The following ZC3H12B variants were observed in gnomAD, a reference collection of about 807,000 sequenced individuals.
The protein encoded by ZC3H12B is probable ribonuclease ZC3H12B.
A neutral mutation model predicts 43.9 loss-of-function variants in ZC3H12B; 7 were observed. That is an observed-to-expected ratio of 0.16 (90% CI 0.09 to 0.30). The LOEUF is 0.30. Among genes scored for constraint, ZC3H12B ranks in the 10% least tolerant of loss-of-function variants. The probability of loss-of-function intolerance (pLI) is 1.00; values close to 1 mark genes in which losing one functional copy is unlikely to be tolerated. For missense variants in ZC3H12B, 475 were observed against 670.2 expected (o/e 0.71, Z 3.22); for synonymous variants, 222 against 241.7 (o/e 0.92, Z 0.76).
chrX:65,049,236 A>ATCAT, the ZC3H12B span, among the ~76,000 whole-genome samples: 1 of 111,318 alleles, frequency 9.0e-6, no homozygotes, highest in East Asian at 2.8e-4. Context: ...TATCCAAAAA[A>ATCAT]TCATTCCCAA....
intron 1 of ZC3H12B, 41 bp from the exon 7 acceptor site, chrX:65,497,091 T>C (rs777626451): frequency 8.6e-7 from 1 of 1,156,977 alleles, no homozygotes; most frequent in Non-Finnish European, 1.2e-6. Context: ...CTTTGCTATC[T>C]ATTATCAATC....
At chrX:65,065,007 C>G in the ZC3H12B span, among the ~76,000 whole-genome samples, 1 of 110,505 alleles carries the variant, frequency 9.0e-6, no homozygotes, top group Non-Finnish European at 1.9e-5. Flanking sequence ...AATATTTCTC[C>G]ATCCCTTTAT....
At chrX:65,424,889 T>G (rs2067062014) in intron 3 of ZC3H12B, among the ~76,000 whole-genome samples, 1 of 111,772 alleles carries the variant, frequency 8.9e-6, no homozygotes. Context: ...AGTTTGAAGT[T>G]GGGTAGTGTG....
At chrX:65,113,069 C>T in the ZC3H12B span, among the ~76,000 whole-genome samples, 1 of 111,186 alleles carries the variant, frequency 9.0e-6, no homozygotes, top group Non-Finnish European at 1.9e-5. Flanking sequence ...ATGTTGATTC[C>T]AACCCTTATG....
chrX:65,394,393 C>T (rs1473400987), intron 2 of ZC3H12B, among the ~76,000 whole-genome samples: 2 of 112,294 alleles, frequency 1.8e-5, no homozygotes, highest in African/African-American at 6.5e-5. Flanking sequence ...GTGTAAGGAA[C>T]GGCTCCAGTT....
intron 3 of ZC3H12B, among the ~76,000 whole-genome samples, chrX:65,434,918 C>A (rs1291456011): frequency 9.0e-6 from 1 of 110,909 alleles, no homozygotes; most frequent in African/African-American, 3.3e-5. Flanking sequence ...GTGGAGAAGG[C>A]ACTTTCTCTG....
At chrX:65,318,970 G>C in the ZC3H12B span, among the ~76,000 whole-genome samples, 1 of 111,225 alleles carries the variant, frequency 9.0e-6, no homozygotes, top group Non-Finnish European at 1.9e-5. Flanking sequence ...GCATCGAAAA[G>C]TTAAAAATAT....
rs182685267 is a variant in ZC3H12B at position 65,435,203 on chromosome X, C to T, written n.407+36499C>T. ...GGAGATAAGATTATCCTTCAGGGCACACCTAGAAGCTGTTAGATTATTTAT... is the reference window on the plus strand; with the variant it reads ...GGAGATAAGATTATCCTTCAGGGCATACCTAGAAGCTGTTAGATTATTTAT... On this transcript the variant is annotated intron_variant and non_coding_transcript_variant, in intron 3 of 5. Transcript: ENST00000617377. Among the ~76,000 whole-genome samples the T allele has an allele frequency of 5.6e-3, 626 of 111,900 alleles. 18 individuals carry two copies. Among genetic ancestry groups the T allele is most frequent in the Admixed American group, 0.051 (540 of 10,508 alleles).
the ZC3H12B span, among the ~76,000 whole-genome samples, chrX:65,164,948 T>TAC: frequency 7.1e-5 from 8 of 112,017 alleles, no homozygotes; most frequent in African/African-American, 2.6e-4. Flanking sequence ...AAATCAATCA[T>TAC]ACTATTTTTC....
chrX:65,235,433 C>A, the ZC3H12B span, among the ~76,000 whole-genome samples: 3 of 112,001 alleles, frequency 2.7e-5, no homozygotes, highest in African/African-American at 9.7e-5. Context: ...CTTTGCACTT[C>A]TCTAATGATC....
At chrX:65,186,796 A>G in the ZC3H12B span, among the ~76,000 whole-genome samples, 3 of 111,648 alleles carry the variant, frequency 2.7e-5, no homozygotes, top group South Asian at 1.1e-3. Context: ...TTGGTTTTTC[A>G]TTCCTGAGTT....
chrX:65,240,408 A>G, the ZC3H12B span, among the ~76,000 whole-genome samples: 10 of 111,814 alleles, frequency 8.9e-5, no homozygotes, highest in Non-Finnish European at 1.9e-4. Context: ...ATATGTTTTA[A>G]GGCTCCATCA....
the ZC3H12B span, among the ~76,000 whole-genome samples, chrX:65,107,031 G>C: frequency 9.0e-6 from 1 of 111,336 alleles, no homozygotes; most frequent in African/African-American, 3.3e-5. Flanking sequence ...AATGTAGGTT[G>C]AGATTGGAGA....
At chrX:65,314,673 G>C in the ZC3H12B span, among the ~76,000 whole-genome samples, 1 of 111,512 alleles carries the variant, frequency 9.0e-6, no homozygotes, top group African/African-American at 3.2e-5. Context: ...TTAGGTTGAA[G>C]GGAAATGATA....
chrX:65,370,472 C>T (rs771905082), intron 2 of ZC3H12B, among the ~76,000 whole-genome samples: 217 of 111,563 alleles, frequency 1.9e-3, no homozygotes, highest in African/African-American at 6.6e-3. Flanking sequence ...ACTTTGTAGG[C>T]AATAACATTC....
At chrX:65,467,904 G>T (rs2067847369) in intron 3 of ZC3H12B, among the ~76,000 whole-genome samples, 1 of 111,908 alleles carries the variant, frequency 8.9e-6, no homozygotes, top group South Asian at 3.6e-4. Flanking sequence ...CCATTCTATG[G>T]GTTGTCTGCT....
At chrX:65,360,672 G>A in the ZC3H12B span, among the ~76,000 whole-genome samples, 1 of 112,316 alleles carries the variant, frequency 8.9e-6, no homozygotes, top group African/African-American at 3.2e-5. Flanking sequence ...CTACCATATG[G>A]ATCAGTCATT....
chrX:65,392,151 A>C (rs1044385919), intron 2 of ZC3H12B, among the ~76,000 whole-genome samples: 4 of 111,267 alleles, frequency 3.6e-5, no homozygotes, highest in Non-Finnish European at 7.6e-5. Flanking sequence ...TTGGCCTCCC[A>C]AAGTCCTGAG....
chrX:65,473,402 TG>T (rs765561481), intron 3 of ZC3H12B, among the ~76,000 whole-genome samples: 14 of 111,951 alleles, frequency 1.3e-4, no homozygotes, highest in Non-Finnish European at 2.4e-4. Context: ...GGGTCTTTTA[TG>T]GTTTCATATG....
Sources: gnomAD v4.1 joint callset for allele counts (sites outside exome capture counted in the v4.1 genomes callset) on GRCh38, gnomAD v4.1.1 for gene constraint, MANE v1.5 for transcripts, NCBI Gene and HGNC (gene_info 2026-07-23, HGNC 2026-07-21) for gene names.